WRAP73: variants seen among roughly 807,000 people sequenced by gnomAD.
The protein encoded by WRAP73 is WD repeat containing, antisense to TP73.
A neutral mutation model predicts 59.6 loss-of-function variants in WRAP73; 55 were observed. That is an observed-to-expected ratio of 0.92 (90% CI 0.74 to 1.15). The LOEUF (loss-of-function observed/expected upper bound fraction) is 1.15. Ranked by LOEUF, WRAP73 falls within the 50% of genes most tolerant of loss-of-function variation. WRAP73 has a pLI of 0.00. For synonymous variants in WRAP73, 265 were observed against 258.2 expected, an observed-to-expected ratio of 1.03 and a Z score of -0.25; for missense variants, 592 against 608.1, an observed-to-expected ratio of 0.97 and a Z score of 0.28.
In WRAP73 at chr1:3,639,887, G is replaced by T. The variant is rs1355556474; in HGVS notation, c.340-1065C>A. On this transcript the variant is annotated intron_variant, in intron 3 of 11. Transcript: ENST00000270708. This position sits in a 1 kb window ranked among gnomAD's most constrained non-coding sequence, Gnocchi z 4.3. The stretch of plus-strand genomic sequence containing the variant: ...GCTGAGGATGAGGCCCGGGGTGGGG[G>T]ACCGTCTCCAGCAGCGTAAGTGGGG... Among the ~76,000 whole-genome samples, 1 of 152,134 alleles carries T rather than the reference G, an allele frequency of 6.6e-6. No individual in the cohort carries two copies. Among genetic ancestry groups the T allele is most frequent in the East Asian group, 1.9e-4 (1 of 5,168 alleles).
chr1:3,635,186 G>C lies in WRAP73; in HGVS notation c.712C>G (p.Leu238Val). 6.2e-7 allele frequency: 1 copy of C among 1,614,126 alleles called. No individual in the cohort carries two copies. The highest frequency in any genetic ancestry group is 1.3e-5 in the African/African-American group (1 of 75,064). Residue 238 changes from leucine (L) to valine (V), a missense_variant, in exon 7 of 12, where the codon CTG (leucine) becomes GTG (valine). By Grantham distance (32) the Leu-to-Val change is conservative. Transcript: ENST00000270708. ...SVAWSPSSQF[L>V]AVGSYDGKVR... ...TTTCCATCATAGCTCCCAACTGCCA[G>C]GAACTGACTGCTGGGGCTCCAGGCC...
chr1:3,646,922 G>T lies in WRAP73; in HGVS notation c.223-140C>A. ...CATCAGCAGTCTATAGCGAGGCCTC[G>T]CCGAGAGACAACTCCCTTAAAACCA... On this transcript the variant is annotated intron_variant, in intron 2 of 11. Transcript: ENST00000270708. The surrounding 1 kb of genome is among the most constrained non-coding windows in gnomAD (Gnocchi z 5.1). The T allele has an allele frequency of 1.6e-6, 1 of 635,910 alleles. No individual in the cohort carries two copies. The highest frequency in any genetic ancestry group is 2.7e-6 in the Non-Finnish European group (1 of 371,134). The allele number at this position is 635,910 out of a possible 1,614,324, so 39.4% of individuals were successfully genotyped here.
rs16823940 is a variant in WRAP73, at chr1:3,631,634, C to T, written c.1072G>A (p.Val358Ile). The T allele has an allele frequency of 5.1e-3, 8,174 of 1,598,416 alleles. 334 individuals carry two copies. In the African/African-American group the frequency reaches 0.09, roughly 18 times the overall value. ...AGCCTCAGCTTCTGAATGTCCCAGACCCAGACGGCATTGGGAATGTTGTCT... is the reference window on the plus strand; with the variant it reads ...AGCCTCAGCTTCTGAATGTCCCAGATCCAGACGGCATTGGGAATGTTGTCT... ...RNDNIPNAVW[V>I]WDIQKLRLFA... Residue 358 changes from valine (V) to isoleucine (I), a missense_variant, in exon 11 of 12, where the codon GTC becomes ATC. Physicochemically the swap from Val to Ile is conservative, Grantham distance 29. Transcript: ENST00000270708.
At position 3,646,921 on chromosome 1, in the gene WRAP73, C is replaced by G. The variant is rs919270188; in HGVS notation, c.223-139G>C. The G allele has an allele frequency of 1.6e-6, 1 of 637,584 alleles. No individual in the cohort carries two copies. The highest frequency in any genetic ancestry group is 2.7e-6 in the Non-Finnish European group (1 of 372,118). 39.5% of individuals were successfully genotyped at this position (637,584 alleles called of 1,614,324 possible). On this transcript the variant is annotated intron_variant, in intron 2 of 11. Transcript: ENST00000270708. The surrounding 1 kb of genome is among the most constrained non-coding windows in gnomAD (Gnocchi z 5.1). ...TCATCAGCAGTCTATAGCGAGGCCT[C>G]GCCGAGAGACAACTCCCTTAAAACC...
In WRAP73 at chr1:3,631,699, G is replaced by C. The variant is rs1463233248; in HGVS notation, c.1049-42C>G. ...AGGGCACCGGTGTCATCCCTGCCTGGCTCCTCTGTGTTGGCCCTGCCCCTC... is the reference window on the plus strand; with the variant it reads ...AGGGCACCGGTGTCATCCCTGCCTGCCTCCTCTGTGTTGGCCCTGCCCCTC... On this transcript the variant is annotated intron_variant, in intron 10 of 11. Coordinates refer to ENST00000270708, the MANE Select transcript of WRAP73 (RefSeq NM_017818.4). The C allele has an allele frequency of 3.2e-6, 5 of 1,557,076 alleles. No individual in the cohort carries two copies. The Admixed American group carries it at 8.6e-5, about 27-fold the overall frequency.
intron 9 of WRAP73, 53 bp downstream of exon 9, chr1:3,633,345 G>T: frequency 6.6e-7 from 1 of 1,505,586 alleles, no homozygotes; most frequent in Non-Finnish European, 9.2e-7. Context: ...TCTGGACAAC[G>T]AGGAATCTTG....
chr1:3,647,589 A>C, intron 1 of WRAP73, 29 bp from the exon 2 acceptor site: 1 of 1,605,084 alleles, frequency 6.2e-7, no homozygotes, highest in Non-Finnish European at 8.5e-7. Flanking sequence ...CAAGCACCTG[A>C]CATTCTCCAC....
Position 3,648,157 on chromosome 1 carries a change from G to A in WRAP73, c.70-597C>T, listed in dbSNP as rs537427997. Among the ~76,000 whole-genome samples the A allele has an allele frequency of 7.9e-5, 12 of 152,264 alleles. No homozygotes were observed. The South Asian group carries it at 1.7e-3, about 21-fold the overall frequency. On this transcript the variant is annotated intron_variant, in intron 1 of 11. Coordinates refer to ENST00000270708, the MANE Select transcript of WRAP73 (RefSeq NM_017818.4). ...CATTAACCTATTCCTAACACGAAAC[G>A]GGAAATGTTTAAGTGTTAGTACTAT...
rs781572798 is a variant in WRAP73, at chr1:3,650,025, C to G, written c.-26G>C. ...GGCCGCCGCCTGCCGCGGGCGCCAC[C>G]CTGCGCCCGAAAACCCGCGGGACCC... On this transcript the variant is annotated 5_prime_UTR_variant, in exon 1 of 12. Coordinates refer to ENST00000270708, the MANE Select transcript of WRAP73 (RefSeq NM_017818.4). The G allele has an allele frequency of 1.9e-6, 3 of 1,578,886 alleles. No homozygotes were observed. The highest frequency in any genetic ancestry group is 2.3e-5 in the South Asian group (2 of 86,756).
intron 1 of WRAP73, among the ~76,000 whole-genome samples, chr1:3,648,955 TCTCAA>T (rs946289688): frequency 6.6e-6 from 1 of 152,126 alleles, no homozygotes; most frequent in African/African-American, 2.4e-5. Context: ...AGAGTTAAAC[TCTCAA>T]AAGCTAGACA....
chr1:3,644,342 CAT>C lies in WRAP73; in HGVS notation c.339+2322_339+2323del, dbSNP rs1644670150. Among the ~76,000 whole-genome samples, 2 of 119,998 alleles carry C rather than the reference CAT, an allele frequency of 1.7e-5. 1 individual carries two copies. The highest frequency in any genetic ancestry group is 7.4e-5 in the African/African-American group (2 of 26,854). The allele number at this position is 119,998 out of a possible 152,430, so 78.7% of individuals were successfully genotyped here. ...CCCAGCGGCCCCGCTGAGCCCCGGA[CAT>C]GGGGTCGCGCCTTCGGAAGGGGATC... On this transcript the variant is annotated intron_variant, in intron 3 of 11. Coordinates refer to ENST00000270708, the MANE Select transcript of WRAP73 (RefSeq NM_017818.4).
At chr1:3,637,525 T>A (rs890906991) in intron 4 of WRAP73, among the ~76,000 whole-genome samples, 1 of 152,214 alleles carries the variant, frequency 6.6e-6, no homozygotes, top group African/African-American at 2.4e-5. Flanking sequence ...TGAATTTAAT[T>A]ATTTGGAAGA....
intron 1 of WRAP73, among the ~76,000 whole-genome samples, chr1:3,648,436 C>T (rs1162031334): frequency 6.6e-6 from 1 of 152,186 alleles, no homozygotes; most frequent in African/African-American, 2.4e-5. Flanking sequence ...AAAAGAGAGA[C>T]AGGCGGGTGA....
At chr1:3,640,827 G>A (rs765290770) in intron 3 of WRAP73, among the ~76,000 whole-genome samples, 1 of 152,232 alleles carries the variant, frequency 6.6e-6, no homozygotes, top group Non-Finnish European at 1.5e-5. Flanking sequence ...ACCCAGGGCA[G>A]AGACCTGCCC....
intron 3 of WRAP73, among the ~76,000 whole-genome samples, chr1:3,641,619 G>A (rs1345305728): frequency 3.3e-5 from 5 of 152,226 alleles, no homozygotes; most frequent in African/African-American, 1.2e-4. Context: ...CAAGGGGCAC[G>A]AGGAGCCCCA....
At chr1:3,645,163 T>G (rs1321014925) in intron 3 of WRAP73, among the ~76,000 whole-genome samples, 1 of 152,216 alleles carries the variant, frequency 6.6e-6, no homozygotes, top group Non-Finnish European at 1.5e-5. Context: ...TCTGAAGCAG[T>G]TGATTCAGCA....
chr1:3,648,500 T>C (rs768199015), intron 1 of WRAP73, among the ~76,000 whole-genome samples: 1 of 152,228 alleles, frequency 6.6e-6, no homozygotes, highest in Non-Finnish European at 1.5e-5. Flanking sequence ...CACTGTAGCT[T>C]TGAAAACTGT....
chr1:3,632,484 G>A, intron 9 of WRAP73, 146 bp from the exon 10 acceptor site: 1 of 1,315,484 alleles, frequency 7.6e-7, no homozygotes, highest in Non-Finnish European at 1.1e-6. Flanking sequence ...GGCAGGAAGA[G>A]CTAAGCAAAG....
At chr1:3,648,044 C>T (rs765104320) in intron 1 of WRAP73, among the ~76,000 whole-genome samples, 19 of 152,166 alleles carry the variant, frequency 1.2e-4, no homozygotes, top group Admixed American at 2.6e-4. Context: ...TATGCAGTGC[C>T]GAACTCAGAG....
Sources: allele counts gnomAD v4.1 joint callset (sites outside exome capture counted in the v4.1 genomes callset), GRCh38; gene constraint gnomAD v4.1.1; non-coding constraint Gnocchi (gnomAD v3.1); transcripts MANE v1.5; gene names NCBI Gene and HGNC (gene_info 2026-07-23, HGNC 2026-07-21).